The following KCNH8 variants were observed in gnomAD, a reference collection of about 807,000 sequenced individuals.
KCNH8 encodes voltage-gated delayed rectifier potassium channel KCNH8.
Under a neutral mutation model 103.6 loss-of-function variants are expected in KCNH8, and 70 were observed. That is an observed-to-expected ratio of 0.68 (90% CI 0.56 to 0.82). KCNH8 has a LOEUF of 0.82. Among genes scored for constraint, KCNH8 ranks in the 40% least tolerant of loss-of-function variants. KCNH8 has a pLI of 0.00. For synonymous variants in KCNH8, 498 were observed against 489.4 expected, an observed-to-expected ratio of 1.02 and a Z score of -0.23; for missense variants, 1,217 against 1,329.9, an observed-to-expected ratio of 0.92 and a Z score of 1.32.
At chr3:19,481,449 G>A (rs576056640) in intron 11 of KCNH8, among the ~76,000 whole-genome samples, 2 of 152,004 alleles carry the variant, frequency 1.3e-5, no homozygotes, top group Admixed American at 6.6e-5. Flanking sequence ...AGTTCTTCAT[G>A]TTGTGTAAAG....
At chr3:19,532,620 T>A (rs111848186) in intron 15 of KCNH8, among the ~76,000 whole-genome samples, 2,134 of 152,318 alleles carry the variant, frequency 0.014, 49 homozygotes, top group African/African-American at 0.047. Context: ...ACATGCAGTA[T>A]CTGCCACTCC....
intron 11 of KCNH8, among the ~76,000 whole-genome samples, chr3:19,488,816 G>C (rs1014758507): frequency 6.6e-6 from 1 of 152,032 alleles, no homozygotes; most frequent in Non-Finnish European, 1.5e-5. Flanking sequence ...CTTAGTTGCC[G>C]CCTGGAGCAC....
Position 19,342,660 on chromosome 3 carries a change from T to A in KCNH8, c.516T>A (p.Tyr172Ter), listed in dbSNP as rs547043882. 1 of 1,611,106 alleles carries A rather than the reference T, an allele frequency of 6.2e-7. No individual in the cohort carries two copies. The highest frequency in any genetic ancestry group is 1.7e-5 in the Admixed American group (1 of 59,834). The change falls in exon 4 of 16, where the codon TAT (tyrosine) becomes TAA (stop). Residue 172 changes from tyrosine to a stop codon, truncating the protein, a stop_gained. Transcript: ENST00000328405. LOFTEE classifies it high-confidence loss of function. ...GGAGACGGAGTCGAGCAGTCCTTTATCACATCTCTGGGCACCTGCAAAGAA... is the reference window on the plus strand; with the variant it reads ...GGAGACGGAGTCGAGCAGTCCTTTAACACATCTCTGGGCACCTGCAAAGAA... ...SARRRSRAVL[Y>*]HISGHLQRRE...
intron 10 of KCNH8, among the ~76,000 whole-genome samples, chr3:19,453,607 A>T (rs2067483122): frequency 1.3e-5 from 2 of 152,080 alleles, no homozygotes; most frequent in Non-Finnish European, 2.9e-5. Flanking sequence ...ATATGATGGC[A>T]TTAGGGGTGG....
chr3:19,339,860 G>C (rs1253014131), intron 3 of KCNH8, among the ~76,000 whole-genome samples: 2 of 151,966 alleles, frequency 1.3e-5, no homozygotes, highest in Non-Finnish European at 2.9e-5. Context: ...GTCTCAGATG[G>C]ACAGGAATTA....
At chr3:19,362,087 T>G (rs2065954024) in intron 5 of KCNH8, among the ~76,000 whole-genome samples, 1 of 152,148 alleles carries the variant, frequency 6.6e-6, no homozygotes, top group African/African-American at 2.4e-5. Context: ...TAATGATGAT[T>G]ATTGTCGATA....
At chr3:19,165,401 T>G (rs1284824310) in intron 1 of KCNH8, among the ~76,000 whole-genome samples, 1 of 152,152 alleles carries the variant, frequency 6.6e-6, no homozygotes, top group Non-Finnish European at 1.5e-5. Flanking sequence ...AAACAAGTAA[T>G]GTTAACAATG....
chr3:19,206,168 G>GTATATATATATA (rs750765830), intron 1 of KCNH8, among the ~76,000 whole-genome samples: 4 of 139,252 alleles, frequency 2.9e-5, no homozygotes, highest in African/African-American at 1.1e-4. Flanking sequence ...TGGTGTGTGT[G>GTATATATATATA]TATATATATA....
intron 11 of KCNH8, among the ~76,000 whole-genome samples, chr3:19,473,557 T>G (rs2067907678): frequency 6.6e-6 from 1 of 152,210 alleles, no homozygotes; most frequent in African/African-American, 2.4e-5. Context: ...CTTCCCTTGC[T>G]CCATCTTTAA....
chr3:19,315,375 G>A (rs2065259739), intron 3 of KCNH8, among the ~76,000 whole-genome samples: 1 of 151,988 alleles, frequency 6.6e-6, no homozygotes. Flanking sequence ...AAAGTTGCCT[G>A]CACTCTCTGT....
At chr3:19,198,596 T>C (rs940544455) in intron 1 of KCNH8, among the ~76,000 whole-genome samples, 2 of 152,102 alleles carry the variant, frequency 1.3e-5, no homozygotes, top group African/African-American at 2.4e-5. Context: ...TTTTGCCTCA[T>C]TTTAATATTA....
At chr3:19,452,724 G>A (rs1006768438) in intron 10 of KCNH8, among the ~76,000 whole-genome samples, 11 of 152,140 alleles carry the variant, frequency 7.2e-5, no homozygotes, top group Admixed American at 3.3e-4. Context: ...TATTTGCAAA[G>A]TGTGCTCACA....
rs551717776 is a variant in KCNH8 at position 19,182,345 on chromosome 3, G to A, written c.76+33550G>A. 1.2e-3 allele frequency among the ~76,000 whole-genome samples: 180 copies of A among 152,150 alleles called. 2 individuals carry two copies. The highest frequency in any genetic ancestry group is 3.7e-3 in the African/African-American group (153 of 41,522). The stretch of plus-strand genomic sequence containing the variant: ...AGATTGAGACCATCCTGGCTAACAC[G>A]GTGAAACCCCGTCTCTACTAAAAAA... On this transcript the variant is annotated intron_variant, in intron 1 of 15. Transcript: ENST00000328405.
intron 15 of KCNH8, among the ~76,000 whole-genome samples, chr3:19,531,769 G>T (rs921859978): frequency 6.6e-6 from 1 of 152,200 alleles, no homozygotes; most frequent in African/African-American, 2.4e-5. Context: ...CTTAAATGTT[G>T]AAGAATGTCT....
intron 7 of KCNH8, 39 bp downstream of exon 7, chr3:19,395,350 T>C: frequency 6.9e-7 from 1 of 1,451,730 alleles, no homozygotes; most frequent in Non-Finnish European, 9.6e-7. Context: ...ATTTTTTAAT[T>C]TAAAAAAAAA....
chr3:19,492,346 T>G (rs1215379989), intron 11 of KCNH8, among the ~76,000 whole-genome samples: 1 of 152,200 alleles, frequency 6.6e-6, no homozygotes, highest in Non-Finnish European at 1.5e-5. Flanking sequence ...TGAGTTAATT[T>G]TTGTATGTGG....
intron 3 of KCNH8, among the ~76,000 whole-genome samples, chr3:19,341,954 GA>G (rs1256433755): frequency 1.3e-5 from 2 of 152,146 alleles, no homozygotes; most frequent in Admixed American, 6.6e-5. Flanking sequence ...ATGCATTTAA[GA>G]ATTTTCTTTG....
chr3:19,422,904 A>G (rs1022210652), intron 7 of KCNH8, among the ~76,000 whole-genome samples: 1 of 152,094 alleles, frequency 6.6e-6, no homozygotes, highest in African/African-American at 2.4e-5. Flanking sequence ...GAAATGAAAA[A>G]CGGATAACCT....
chr3:19,340,817 G>C (rs941720619), intron 3 of KCNH8, among the ~76,000 whole-genome samples: 9 of 152,146 alleles, frequency 5.9e-5, no homozygotes, highest in African/African-American at 1.9e-4. Flanking sequence ...ATCCATACAG[G>C]TCTGCAGCAA....
Sources: allele counts gnomAD v4.1 joint callset (sites outside exome capture counted in the v4.1 genomes callset), GRCh38; gene constraint gnomAD v4.1.1; transcripts MANE v1.5; gene names NCBI Gene and HGNC (gene_info 2026-07-23, HGNC 2026-07-21).